WDR72: variants seen among roughly 807,000 people sequenced by gnomAD.
WDR72 encodes WD repeat domain 72, also known as WD repeat-containing protein 72.
Under a neutral mutation model 124.2 loss-of-function variants are expected in WDR72, and 120 were observed. The ratio of observed to expected loss-of-function variants is 0.97; its 90% CI spans 0.83 to 1.12. The LOEUF (loss-of-function observed/expected upper bound fraction) is 1.12, where lower values mean the gene tolerates loss of function less well. WDR72 is among the 50% of genes most tolerant of loss of function. The pLI is 0.00. For missense variants in WDR72, 1,387 were observed against 1,278.8 expected (o/e 1.08, Z -1.29); for synonymous variants, 452 against 441.7 (o/e 1.02, Z -0.29).
intron 13 of WDR72, among the ~76,000 whole-genome samples, chr15:53,669,711 C>CA (rs1422782043): frequency 2.2e-4 from 33 of 151,886 alleles, no homozygotes; most frequent in Non-Finnish European, 3.2e-4. Flanking sequence ...ACATCTACAG[C>CA]AAAAAAATAA....
chr15:53,720,866 T>A lies in WDR72; in HGVS notation c.260+1936A>T, dbSNP rs113032525. ...GTATGCCTACAAATAAAATAATAAT[T>A]TGAGAAAAATATTAAACACTGAGCC... On this transcript the variant is annotated intron_variant, in intron 3 of 19. Transcript: ENST00000360509. Among the ~76,000 whole-genome samples, 1,220 of 152,238 alleles carry A rather than the reference T, an allele frequency of 8.0e-3. 16 individuals are homozygous for A. The highest frequency in any genetic ancestry group is 0.028 in the African/African-American group (1,172 of 41,542).
At chr15:53,637,903 T>C (rs1449326872) in intron 14 of WDR72, among the ~76,000 whole-genome samples, 1 of 152,136 alleles carries the variant, frequency 6.6e-6, no homozygotes, top group Non-Finnish European at 1.5e-5. Context: ...TGTGAACTAT[T>C]TGAGGGCAGG....
intron 13 of WDR72, among the ~76,000 whole-genome samples, chr15:53,685,634 G>C (rs1025310815): frequency 1.9e-4 from 28 of 147,222 alleles, no homozygotes; most frequent in Admixed American, 6.0e-4. Context: ...TGGAAAACAC[G>C]CTGCAGGATA....
At chr15:53,664,171 C>T (rs1309669259) in intron 14 of WDR72, among the ~76,000 whole-genome samples, 1 of 152,150 alleles carries the variant, frequency 6.6e-6, no homozygotes, top group African/African-American at 2.4e-5. Flanking sequence ...ACTCTCAGAG[C>T]TCAGTGAATG....
chr15:53,629,932 C>T (rs893369281), intron 14 of WDR72, among the ~76,000 whole-genome samples: 5 of 152,118 alleles, frequency 3.3e-5, no homozygotes, highest in Admixed American at 1.3e-4. Context: ...TCCCATTTAC[C>T]AACCTTATCA....
intron 13 of WDR72, among the ~76,000 whole-genome samples, chr15:53,673,905 C>T (rs1241595122): frequency 6.6e-6 from 1 of 152,068 alleles, no homozygotes; most frequent in Non-Finnish European, 1.5e-5. Context: ...GCAGAAGAAT[C>T]CCTTGAACCC....
chr15:53,615,828 T>G lies in WDR72; in HGVS notation c.2378A>C (p.Asp793Ala). 1 of 1,613,622 alleles carries G rather than the reference T, an allele frequency of 6.2e-7. No homozygotes were observed. Among genetic ancestry groups the G allele is most frequent in the Non-Finnish European group, 8.5e-7 (1 of 1,179,666 alleles). The change falls in exon 15 of 20, where the codon GAC (aspartate) becomes GCC (alanine). Residue 793 changes from aspartate (D) to alanine (A), a missense_variant. Transcript: ENST00000360509. ...SRKVDASLTI[D>A]TAKLFLSCLL... ...GCAAGACAGAAACAATTTTGCTGTGTCTATTGTGAGACTGGCATCTACTTT... is the reference window on the plus strand; with the variant it reads ...GCAAGACAGAAACAATTTTGCTGTGGCTATTGTGAGACTGGCATCTACTTT...
In WDR72 at chr15:53,515,079, G is replaced by GTT. The variant is rs1566935005; in HGVS notation, c.*2619_*2620insAA. On this transcript the variant is annotated 3_prime_UTR_variant, in exon 20 of 20. Transcript: ENST00000360509. ...TGTATATATATACACACATATATAT[G>GTT]TATGTATACACACACACACACACAC... is the stretch of plus-strand genomic sequence containing the variant. The GTT allele has an allele frequency of 1.6e-5, 1 of 63,456 alleles. No homozygotes were observed. Among genetic ancestry groups the GTT allele is most frequent in the East Asian group, 5.1e-4 (1 of 1,978 alleles). 3.9% of individuals were successfully genotyped at this position (63,456 alleles called of 1,614,324 possible).
chr15:53,644,913 G>A (rs1484938575), intron 14 of WDR72, among the ~76,000 whole-genome samples: 2 of 152,062 alleles, frequency 1.3e-5, no homozygotes, highest in African/African-American at 4.8e-5. Context: ...CGCATCTTGG[G>A]TATCAGCAGG....
intron 2 of WDR72, among the ~76,000 whole-genome samples, chr15:53,732,555 A>C (rs890107859): frequency 2.6e-5 from 4 of 152,188 alleles, no homozygotes; most frequent in Non-Finnish European, 4.4e-5. Context: ...GGCAGAGACT[A>C]AAAGAATAGC....
intron 13 of WDR72, among the ~76,000 whole-genome samples, chr15:53,667,189 A>G (rs1214509715): frequency 6.6e-6 from 1 of 151,836 alleles, no homozygotes; most frequent in Non-Finnish European, 1.5e-5. Flanking sequence ...CCATCTCTAC[A>G]AAAAAACACA....
At chr15:53,608,210 T>A (rs1180673702) in intron 17 of WDR72, among the ~76,000 whole-genome samples, 1 of 152,174 alleles carries the variant, frequency 6.6e-6, no homozygotes, top group Non-Finnish European at 1.5e-5. Context: ...CCTATGTTTG[T>A]TGCAGAACTG....
At chr15:53,567,039 G>C (rs1326937881) in intron 18 of WDR72, among the ~76,000 whole-genome samples, 1 of 151,954 alleles carries the variant, frequency 6.6e-6, no homozygotes, top group Non-Finnish European at 1.5e-5. Flanking sequence ...CCAGGAGAGT[G>C]TCTGGGAGTG....
chr15:53,675,743 A>G (rs1375702469), intron 13 of WDR72, among the ~76,000 whole-genome samples: 4 of 152,208 alleles, frequency 2.6e-5, no homozygotes, highest in Non-Finnish European at 5.9e-5. Flanking sequence ...AATCAGATCA[A>G]TATCTTGCTG....
chr15:53,648,639 A>T (rs769393381), intron 14 of WDR72, among the ~76,000 whole-genome samples: 4 of 152,192 alleles, frequency 2.6e-5, no homozygotes, highest in Non-Finnish European at 5.9e-5. Context: ...CATAACGAAT[A>T]ACCAACCACA....
At chr15:53,704,675 G>GCCA (rs2017288001) in intron 11 of WDR72, among the ~76,000 whole-genome samples, 1 of 143,442 alleles carries the variant, frequency 7.0e-6, no homozygotes. Flanking sequence ...ACAGGTGCCC[G>GCCA]CCACCATGCC....
chr15:53,601,499 A>G (rs950348305), intron 17 of WDR72, among the ~76,000 whole-genome samples: 3 of 152,186 alleles, frequency 2.0e-5, no homozygotes, highest in Non-Finnish European at 4.4e-5. Context: ...GATGAAATCC[A>G]CACATATCAA....
intron 17 of WDR72, among the ~76,000 whole-genome samples, chr15:53,598,246 A>G (rs1460280061): frequency 6.6e-6 from 1 of 151,770 alleles, no homozygotes; most frequent in East Asian, 1.9e-4. Flanking sequence ...CCTTTCATAT[A>G]GCTACATCCC....
intron 18 of WDR72, among the ~76,000 whole-genome samples, chr15:53,540,418 G>A (rs1200052768): frequency 4.6e-5 from 7 of 151,980 alleles, no homozygotes; most frequent in Non-Finnish European, 1.0e-4. Flanking sequence ...TGATCACAAC[G>A]CAATAAGGCT....
Sources: allele counts gnomAD v4.1 joint callset (sites outside exome capture counted in the v4.1 genomes callset), GRCh38; gene constraint gnomAD v4.1.1; transcripts MANE v1.5; gene names NCBI Gene and HGNC (gene_info 2026-07-23, HGNC 2026-07-21).